The following PLXDC2 variants were observed in gnomAD, a reference collection of about 807,000 sequenced individuals.
PLXDC2 encodes plexin domain containing 2, also known as plexin domain-containing protein 2.
PLXDC2 carries 40 observed loss-of-function variants against 68.9 expected under a neutral mutation model. The observed-to-expected ratio is 0.58, with a 90% CI of 0.45 to 0.76. The LOEUF (loss-of-function observed/expected upper bound fraction) is 0.76, where lower values mean the gene tolerates loss of function less well. Ranked by LOEUF, PLXDC2 falls within the 30% of genes least tolerant of loss-of-function variation. PLXDC2 has a pLI of 0.00. For missense variants in PLXDC2, 644 were observed against 661.9 expected (o/e 0.97, Z 0.30); for synonymous variants, 243 against 234.2 (o/e 1.04, Z -0.34).
At chr10:20,140,625 A>G (rs1174137949) in intron 4 of PLXDC2, among the ~76,000 whole-genome samples, 1 of 152,060 alleles carries the variant, frequency 6.6e-6, no homozygotes, top group Non-Finnish European at 1.5e-5. Flanking sequence ...TCTCCACTCA[A>G]TTATTAACCA....
intron 1 of PLXDC2, among the ~76,000 whole-genome samples, chr10:19,871,844 C>G (rs1837542291): frequency 6.6e-6 from 1 of 150,488 alleles, no homozygotes; most frequent in Non-Finnish European, 1.5e-5. Context: ...CAAGATCACG[C>G]CACCGCACTC....
intron 1 of PLXDC2, among the ~76,000 whole-genome samples, chr10:19,872,801 C>T (rs1232473216): frequency 6.6e-6 from 1 of 151,954 alleles, no homozygotes; most frequent in African/African-American, 2.4e-5. Context: ...CATACTTGTT[C>T]CCTGGGACAA....
chr10:20,171,563 T>C (rs918171605), intron 7 of PLXDC2, among the ~76,000 whole-genome samples: 10 of 152,172 alleles, frequency 6.6e-5, no homozygotes, highest in Non-Finnish European at 1.0e-4. Flanking sequence ...AATGCATCCA[T>C]TTCTAATGTA....
chr10:19,949,107 C>T (rs1427375002), intron 1 of PLXDC2, among the ~76,000 whole-genome samples: 1 of 100,390 alleles, frequency 1.0e-5, no homozygotes, highest in Non-Finnish European at 1.8e-5. Context: ...AGTCTGGCAA[C>T]AGAGCGAGAC....
In PLXDC2 at chr10:20,245,465, A is replaced by G. The variant is rs768682979; in HGVS notation, c.1433A>G (p.Tyr478Cys). Residue 478 changes from tyrosine (Y) to cysteine (C), a missense_variant, in exon 13 of 14, where the codon TAT becomes TGT. This residue lies in a region of PLXDC2 where 330 missense variants were observed against 327.9 expected (regional missense o/e 1.01). Coordinates refer to ENST00000377252, the MANE Select transcript of PLXDC2 (RefSeq NM_032812.9). ...GCCATTCTTGTGACAGTCTATATGT[A>G]TCACCACCCAACATCAGCAGCCAGC... is the stretch of plus-strand genomic sequence containing the variant. ...ATAILVTVYMYHHPTSAASIF... is the reference protein window; with the variant it reads ...ATAILVTVYMCHHPTSAASIF... The G allele has an allele frequency of 6.2e-7, 1 of 1,612,856 alleles. No individual in the cohort carries two copies. The highest frequency in any genetic ancestry group is 1.7e-5 in the Admixed American group (1 of 59,992).
intron 1 of PLXDC2, among the ~76,000 whole-genome samples, chr10:19,941,925 A>G (rs1833825603): frequency 6.6e-6 from 1 of 151,970 alleles, no homozygotes; most frequent in Non-Finnish European, 1.5e-5. Context: ...CCTATTTCCT[A>G]ATCAAACCCG....
chr10:20,108,961 G>A (rs1833524926), intron 4 of PLXDC2, among the ~76,000 whole-genome samples: 1 of 152,052 alleles, frequency 6.6e-6, no homozygotes, highest in South Asian at 2.1e-4. Flanking sequence ...AGGCTGTAAA[G>A]ATCAAATAAG....
intron 2 of PLXDC2, among the ~76,000 whole-genome samples, chr10:20,004,350 A>G (rs139558769): frequency 1.1e-4 from 17 of 152,300 alleles, no homozygotes; most frequent in Non-Finnish European, 2.4e-4. Context: ...TATGATATCT[A>G]TAAGAGGCTA....
chr10:20,265,487 CATCTAT>C (rs1835860538), intron 13 of PLXDC2, among the ~76,000 whole-genome samples: 1 of 152,126 alleles, frequency 6.6e-6, no homozygotes, highest in African/African-American at 2.4e-5. Context: ...TGTGTTACTC[CATCTAT>C]ATTTATTAAA....
intron 10 of PLXDC2, 131 bp downstream of exon 10, chr10:20,211,860 C>A (rs1835074586): frequency 1.6e-5 from 13 of 792,142 alleles, no homozygotes; most frequent in Admixed American, 1.1e-4. Context: ...TCTATAAGCC[C>A]AATGTCTGCA....
At chr10:20,007,466 C>T (rs535727888) in intron 2 of PLXDC2, among the ~76,000 whole-genome samples, 1 of 152,260 alleles carries the variant, frequency 6.6e-6, no homozygotes, top group Admixed American at 6.5e-5. Flanking sequence ...GTCCTATTTC[C>T]ACTCTTGGGA....
At chr10:19,864,649 A>G (rs1837380552) in intron 1 of PLXDC2, among the ~76,000 whole-genome samples, 1 of 152,228 alleles carries the variant, frequency 6.6e-6, no homozygotes, top group Admixed American at 6.5e-5. Flanking sequence ...AATTCATTTT[A>G]TTATATGTGC....
At chr10:19,968,657 A>T (rs2131609783) in intron 1 of PLXDC2, among the ~76,000 whole-genome samples, 1 of 152,258 alleles carries the variant, frequency 6.6e-6, no homozygotes, top group South Asian at 2.1e-4. Context: ...TGTCATTTTG[A>T]ACTTATTCAG....
At chr10:20,202,020 A>G (rs1464339210) in intron 9 of PLXDC2, among the ~76,000 whole-genome samples, 1 of 152,202 alleles carries the variant, frequency 6.6e-6, no homozygotes, top group Non-Finnish European at 1.5e-5. Context: ...AATGCTATTT[A>G]ACATATACAT....
chr10:19,936,641 C>T (rs1833730095), intron 1 of PLXDC2, among the ~76,000 whole-genome samples: 1 of 152,162 alleles, frequency 6.6e-6, no homozygotes, highest in African/African-American at 2.4e-5. Context: ...TCATTGTGCA[C>T]ATATCATCCC....
chr10:20,203,290 GA>G (rs1233917928), intron 9 of PLXDC2, among the ~76,000 whole-genome samples: 1 of 124,934 alleles, frequency 8.0e-6, no homozygotes, highest in Non-Finnish European at 1.6e-5. Flanking sequence ...GAAATAAGAT[GA>G]ATTTTTTTTT....
chr10:19,910,876 G>A (rs894498113), intron 1 of PLXDC2, among the ~76,000 whole-genome samples: 3 of 152,020 alleles, frequency 2.0e-5, no homozygotes, highest in Admixed American at 2.0e-4. Flanking sequence ...CTGGTGTGGT[G>A]GCAGGTGCCT....
chr10:20,223,870 G>A (rs1835250938), intron 12 of PLXDC2, among the ~76,000 whole-genome samples: 1 of 151,760 alleles, frequency 6.6e-6, no homozygotes, highest in Non-Finnish European at 1.5e-5. Flanking sequence ...CTATGCTCTA[G>A]TTTATGTTCA....
chr10:20,161,414 G>C (rs1834289649), intron 6 of PLXDC2, among the ~76,000 whole-genome samples: 1 of 150,172 alleles, frequency 6.7e-6, no homozygotes, highest in Admixed American at 6.6e-5. Flanking sequence ...AAGGGTCCAA[G>C]AAAGGAAGTA....
Sources: allele counts gnomAD v4.1 joint callset (sites outside exome capture counted in the v4.1 genomes callset), GRCh38; gene constraint gnomAD v4.1.1; regional missense constraint gnomAD v4.1.1; transcripts MANE v1.5; gene names NCBI Gene and HGNC (gene_info 2026-07-23, HGNC 2026-07-21).